METTL3: variants seen among roughly 807,000 people sequenced by gnomAD.
METTL3 encodes the protein N(6)-adenosine-methyltransferase catalytic subunit METTL3.
In METTL3, 42 loss-of-function variants were observed where a neutral mutation model predicts 64.3. The observed-to-expected ratio is 0.65, with a 90% CI of 0.51 to 0.84. The LOEUF is 0.84. METTL3 is among the 40% of genes least tolerant of loss of function. METTL3 has a pLI of 0.00. For missense variants in METTL3, 435 were observed against 722.3 expected, an observed-to-expected ratio of 0.60 and a Z score of 4.56; for synonymous variants, 256 against 263.6, an observed-to-expected ratio of 0.97 and a Z score of 0.28.
At chr14:21,506,770 C>T (rs1891707826) in intron 1 of METTL3, among the ~76,000 whole-genome samples, 1 of 152,090 alleles carries the variant, frequency 6.6e-6, no homozygotes, top group Admixed American at 6.6e-5. Flanking sequence ...GCCTGTAATC[C>T]CAGCACTTTG....
At chr14:21,501,207 ATGTC>A in intron 4 of METTL3, 78 bp from the exon 5 acceptor site, 1 of 1,153,996 alleles carries the variant, frequency 8.7e-7, no homozygotes, top group African/African-American at 1.5e-5. Flanking sequence ...TGATTTCAAA[ATGTC>A]TATTTTATTA....
At position 21,503,459 on chromosome 14, in the gene METTL3, G is replaced by A. The variant is rs368592948; in HGVS notation, c.437C>T (p.Thr146Ile). Residue 146 changes from threonine (T) to isoleucine (I), a missense_variant, in exon 3 of 11, where the codon ACC (threonine) becomes ATC (isoleucine). By Grantham distance (89) the Thr-to-Ile change is moderately conservative. This residue lies in a region of METTL3 where 228 missense variants were observed against 279.6 expected (regional missense o/e 0.82). Transcript: ENST00000298717. ...LQDDAHPTLVTYADHSKLSAM... is the reference protein window; with the variant it reads ...LQDDAHPTLVIYADHSKLSAM... The stretch of plus-strand genomic sequence containing the variant: ...AGAGAGCTTGGAATGGTCAGCATAG[G>A]TTACAAGAGTAGGATGTGCATCATC... 9.3e-6 allele frequency: 15 copies of A among 1,613,520 alleles called. No individual in the cohort carries two copies. Among genetic ancestry groups the A allele is most frequent in the Non-Finnish European group, 1.3e-5 (15 of 1,180,034 alleles).
intron 1 of METTL3, among the ~76,000 whole-genome samples, chr14:21,506,055 G>GTT (rs769534006): frequency 6.8e-6 from 1 of 146,796 alleles, no homozygotes. Context: ...TTAAAATAAA[G>GTT]TTTTTTTTTT....
intron 1 of METTL3, 27 bp downstream of exon 1, chr14:21,511,097 C>T (rs375914881): frequency 6.2e-7 from 1 of 1,610,986 alleles, no homozygotes; most frequent in South Asian, 1.1e-5. Context: ...CCGGTTGAGC[C>T]TCGGCCCCAA....
chr14:21,511,254 T>A lies in METTL3; in HGVS notation c.-31A>T, dbSNP rs748792295. The A allele has an allele frequency of 3.1e-5, 49 of 1,604,600 alleles. No homozygotes were observed. In the East Asian group the frequency reaches 1.1e-3, roughly 35 times the overall value. The stretch of plus-strand genomic sequence containing the variant: ...TCTCCCAGCCCTGACACCTCTCGAA[T>A]AAGGCGCGGCGGACTAGCACCTCCC... On this transcript the variant is annotated 5_prime_UTR_variant, in exon 1 of 11. Transcript: ENST00000298717.
At chr14:21,498,956 C>T in intron 10 of METTL3, 69 bp downstream of exon 10, 1 of 1,058,670 alleles carries the variant, frequency 9.4e-7, no homozygotes, top group Non-Finnish European at 1.5e-6. Context: ...ATGTGAAGCT[C>T]TACTAAGTTC....
In METTL3 at chr14:21,511,235, A is replaced by T; in HGVS notation, c.-12T>A. 6.2e-7 allele frequency: 1 copy of T among 1,612,328 alleles called. No homozygotes were observed. Among genetic ancestry groups the T allele is most frequent in the Non-Finnish European group, 8.5e-7 (1 of 1,179,254 alleles). ...CACGTGTCCGACATCCTAGTCTCCC[A>T]GCCCTGACACCTCTCGAATAAGGCG... is the stretch of plus-strand genomic sequence containing the variant. On this transcript the variant is annotated 5_prime_UTR_variant, in exon 1 of 11. Coordinates refer to ENST00000298717, the MANE Select transcript of METTL3 (RefSeq NM_019852.5).
chr14:21,503,505 C>T lies in METTL3; in HGVS notation c.391G>A (p.Val131Ile). 6.2e-7 allele frequency: 1 copy of T among 1,612,060 alleles called. No homozygotes were observed. Among genetic ancestry groups the T allele is most frequent in the South Asian group, 1.1e-5 (1 of 91,086 alleles). The stretch of plus-strand genomic sequence containing the variant: ...TCATCTTGTAGGAGACCTCGCTTTA[C>T]CTCAATCAACTCCTGAGCTGCAAAC... The part of the protein sequence containing the change: ...QKFAAQELIE[V>I]KRGLLQDDAH... Residue 131 changes from valine (V) to isoleucine (I), a missense_variant, in exon 3 of 11, where the codon GTA becomes ATA. This residue lies in a region of METTL3 where 228 missense variants were observed against 279.6 expected (regional missense o/e 0.82). Coordinates refer to ENST00000298717, the MANE Select transcript of METTL3 (RefSeq NM_019852.5).
Position 21,499,614 on chromosome 14 carries a change from AAAAG to A in METTL3, c.1344-18_1344-15del. 6.2e-7 allele frequency: 1 copy of A among 1,611,512 alleles called. No individual in the cohort carries two copies. Among genetic ancestry groups the A allele is most frequent in the Admixed American group, 1.7e-5 (1 of 59,976 alleles). ...ACCCGTTCATACCTGTGGGGCATAA[AAAAG>A]AACTAGAATTTTAGCCAAACTTTTA... On this transcript the variant is annotated splice_polypyrimidine_tract_variant and intron_variant, in intron 7 of 10. Transcript: ENST00000298717.
chr14:21,498,917 G>A, intron 10 of METTL3, 108 bp downstream of exon 10: 3 of 725,026 alleles, frequency 4.1e-6, no homozygotes, highest in Non-Finnish European at 7.2e-6. Context: ...TGAATCCTGT[G>A]AAGCTCATTT....
At chr14:21,498,515 T>A in intron 10 of METTL3, 146 bp from the exon 11 acceptor site, 1 of 715,754 alleles carries the variant, frequency 1.4e-6, no homozygotes, top group Non-Finnish European at 2.3e-6. Context: ...GAATAGTATA[T>A]GGTAGAATTA....
At chr14:21,499,859 AAT>A in intron 6 of METTL3, 57 bp from the exon 7 acceptor site, 1 of 1,527,082 alleles carries the variant, frequency 6.5e-7, no homozygotes, top group South Asian at 1.1e-5. Context: ...TTCCCTTCAA[AAT>A]ATGTGATGTG....
Position 21,511,289 on chromosome 14 carries a change from T to G in METTL3, c.-66A>C. 1 of 1,558,662 alleles carries G rather than the reference T, an allele frequency of 6.4e-7. No individual in the cohort carries two copies. Among genetic ancestry groups the G allele is most frequent in the Non-Finnish European group, 8.7e-7 (1 of 1,151,860 alleles). Reference sequence around the variant, plus strand: ...CGGACTAGCACCTCCCAGCACTCGCTCCAGGATATAGCCAATTCTCACGCG... The same window carrying G: ...CGGACTAGCACCTCCCAGCACTCGCGCCAGGATATAGCCAATTCTCACGCG... On this transcript the variant is annotated 5_prime_UTR_variant, in exon 1 of 11. Coordinates refer to ENST00000298717, the MANE Select transcript of METTL3 (RefSeq NM_019852.5).
chr14:21,508,265 C>G (rs1037886857), intron 1 of METTL3: 1 of 150,302 alleles, frequency 6.7e-6, no homozygotes, highest in Non-Finnish European at 1.5e-5. Context: ...TCTTATCTTA[C>G]ACACACACAC....
chr14:21,498,797 A>G, intron 10 of METTL3: 1 of 525,850 alleles, frequency 1.9e-6, no homozygotes. Flanking sequence ...GGTTGTGAAG[A>G]GAGTAGAAAC....
rs769876643 is a variant in METTL3, at chr14:21,500,539, G to C, written c.1260C>G (p.Pro420=). Residue 420 remains proline (P), a synonymous_variant, in exon 6 of 11, where the codon CCC becomes CCG. Coordinates refer to ENST00000298717, the MANE Select transcript of METTL3 (RefSeq NM_019852.5). The part of the protein sequence containing the change: ...TDDEMRRLNI[P]VLQDDGFLFL... ...AGAGAAAGCCATCATCCTGTAGTAC[G>C]GGTATGTTGAGCCTGCGCATCTCAT... 3.7e-6 allele frequency: 6 copies of C among 1,614,102 alleles called. No homozygotes were observed. The highest frequency in any genetic ancestry group is 3.3e-5 in the Admixed American group (2 of 60,002).
intron 3 of METTL3, chr14:21,502,741 C>T (rs1466818409): frequency 6.1e-6 from 1 of 164,680 alleles, no homozygotes; most frequent in Non-Finnish European, 1.3e-5. Flanking sequence ...ATTATTTAGT[C>T]AATTTCCATA....
Position 21,511,195 on chromosome 14 carries a change from G to T in METTL3, c.29C>A (p.Ala10Asp), listed in dbSNP as rs1891829070. 6.2e-7 allele frequency: 1 copy of T among 1,613,862 alleles called. No individual in the cohort carries two copies. Among genetic ancestry groups the T allele is most frequent in the South Asian group, 1.1e-5 (1 of 91,046 alleles). Residue 10 changes from alanine to aspartate, a missense_variant, in exon 1 of 11, where the codon GCC becomes GAC. Coordinates refer to ENST00000298717, the MANE Select transcript of METTL3 (RefSeq NM_019852.5). MSDTWSSIQAHKKQLDSLRE... is the reference protein window; with the variant it reads MSDTWSSIQDHKKQLDSLRE... Reference sequence around the variant, plus strand: ...CAGAGAGTCCAGCTGCTTCTTGTGGGCCTGGATAGAGCTCCACGTGTCCGA... The same window carrying T: ...CAGAGAGTCCAGCTGCTTCTTGTGGTCCTGGATAGAGCTCCACGTGTCCGA...
rs143817102 is a variant in METTL3, at chr14:21,511,135, G to A, written c.89C>T (p.Ser30Leu). 103 of 1,613,966 alleles carry A rather than the reference G, an allele frequency of 6.4e-5. 1 individual carries two copies. The African/African-American group carries it at 1.2e-3, about 19-fold the overall frequency. Residue 30 changes from serine (S) to leucine (L), a missense_variant, in exon 1 of 11, where the codon TCG becomes TTG. Coordinates refer to ENST00000298717, the MANE Select transcript of METTL3 (RefSeq NM_019852.5). ...ERLQRRRKQDSGHLDLRNPEA... is the reference protein window; with the variant it reads ...ERLQRRRKQDLGHLDLRNPEA... ...GCCCAGTGCCTCACCCAAGTGCCCC[G>A]AGTCCTGCTTCCGCCTCCGCTGCAG...
Sources: gnomAD v4.1 joint callset for allele counts (sites outside exome capture counted in the v4.1 genomes callset) on GRCh38, gnomAD v4.1.1 for gene constraint, gnomAD v4.1.1 regional missense constraint, MANE v1.5 for transcripts, NCBI Gene and HGNC (gene_info 2026-07-23, HGNC 2026-07-21) for gene names.